TMC3: variants seen among roughly 807,000 people sequenced by gnomAD.
TMC3 encodes the protein transmembrane channel-like protein 3.
In TMC3, 98 loss-of-function variants were observed where a neutral mutation model predicts 110.6. That is an observed-to-expected ratio of 0.89 (90% CI 0.75 to 1.05). TMC3 has a LOEUF of 1.05. TMC3 is among the 50% of genes least tolerant of loss of function. TMC3 has a pLI of 0.00. For synonymous variants in TMC3, 489 were observed against 513.1 expected, an observed-to-expected ratio of 0.95 and a Z score of 0.63; for missense variants, 1,319 against 1,373.2, an observed-to-expected ratio of 0.96 and a Z score of 0.62.
rs1346977459 is a variant in TMC3 at position 81,334,837 on chromosome 15, C to A, written c.2342G>T (p.Ser781Ile). The change falls in exon 21 of 22, where the codon AGT becomes ATT. Residue 781 changes from serine (S) to isoleucine (I), a missense_variant. Coordinates refer to ENST00000359440, the MANE Select transcript of TMC3 (RefSeq NM_001080532.3). ...VAHFDSGSSK[S>I]GRIETVAQSM... ...CTGTGCGACTGTCTCTATCCTGCCA[C>A]TCTTGCTGCTCCCTGAGTCAAAATG... 6.2e-7 allele frequency: 1 copy of A among 1,613,938 alleles called. No individual in the cohort carries two copies. The highest frequency in any genetic ancestry group is 1.3e-5 in the African/African-American group (1 of 74,932).
At chr15:81,372,325 CTCTT>C (rs1894451873) in intron 2 of TMC3, among the ~76,000 whole-genome samples, 1 of 150,320 alleles carries the variant, frequency 6.7e-6, no homozygotes, top group South Asian at 2.1e-4. Context: ...TTTATACTCT[CTCTT>C]TCTCTGTATC....
Position 81,332,929 on chromosome 15 carries a change from C to T in TMC3, c.2793G>A (p.Arg931=), listed in dbSNP as rs753164595. 7.4e-6 allele frequency: 12 copies of T among 1,612,342 alleles called. No homozygotes were observed. In the East Asian group the frequency reaches 2.7e-4, roughly 36 times the overall value. Residue 931 remains arginine (R), a synonymous_variant, in exon 22 of 22, where the codon CGG becomes CGA. Coordinates refer to ENST00000359440, the MANE Select transcript of TMC3 (RefSeq NM_001080532.3). The part of the protein sequence containing the change: ...YPRNVRQYAS[R]VPRQPPSPQL... The stretch of plus-strand genomic sequence containing the variant: ...GTGGGGAGGGAGGCTGGCGGGGGAC[C>T]CGGGATGCATATTGTCGCACGTTCC...
intron 9 of TMC3, among the ~76,000 whole-genome samples, chr15:81,354,080 A>G (rs1043836392): frequency 6.6e-6 from 1 of 152,192 alleles, no homozygotes; most frequent in African/African-American, 2.4e-5. Context: ...TCTGGTTTTA[A>G]CTGAAACATA....
chr15:81,373,637 A>T (rs1237485430), intron 1 of TMC3, among the ~76,000 whole-genome samples: 2 of 152,158 alleles, frequency 1.3e-5, no homozygotes, highest in Admixed American at 6.5e-5. Flanking sequence ...TAAACACTTT[A>T]TTTATCATGA....
chr15:81,355,295 C>CA (rs1289502684), intron 9 of TMC3, among the ~76,000 whole-genome samples: 6 of 152,294 alleles, frequency 3.9e-5, no homozygotes, highest in Non-Finnish European at 8.8e-5. Flanking sequence ...TGAAGGGCTT[C>CA]ACCCTCACCA....
intron 13 of TMC3, among the ~76,000 whole-genome samples, chr15:81,344,546 A>C (rs559418202): frequency 6.6e-6 from 1 of 152,242 alleles, no homozygotes; most frequent in Non-Finnish European, 1.5e-5. Context: ...TAGGACTCTT[A>C]TGAGGACCAA....
chr15:81,334,817 C>T lies in TMC3; in HGVS notation c.2362G>A (p.Ala788Thr), dbSNP rs770347299. The T allele has an allele frequency of 2.0e-5, 32 of 1,613,984 alleles. No individual in the cohort carries two copies. Among genetic ancestry groups the T allele is most frequent in the South Asian group, 3.3e-5 (3 of 91,082 alleles). The change falls in exon 21 of 22, where the codon GCA (alanine) becomes ACA (threonine). Residue 788 changes from alanine to threonine, a missense_variant. Coordinates refer to ENST00000359440, the MANE Select transcript of TMC3 (RefSeq NM_001080532.3). ...CTCGGGCTCTGGGGCATGGACTGTGCGACTGTCTCTATCCTGCCACTCTTG... is the reference window on the plus strand; with the variant it reads ...CTCGGGCTCTGGGGCATGGACTGTGTGACTGTCTCTATCCTGCCACTCTTG... ...SSKSGRIETV[A>T]QSMPQSPRPG...
In TMC3 at chr15:81,374,111, GC is replaced by G. The variant is rs1894497499; in HGVS notation, c.-35del. On this transcript the variant is annotated 5_prime_UTR_variant, in exon 1 of 22. Coordinates refer to ENST00000359440, the MANE Select transcript of TMC3 (RefSeq NM_001080532.3). ...ACCCACTGCTAACAATCAGAAGCTG[GC>G]CAGAGAGCTAGGAAGTTGGCAGGCA... The G allele has an allele frequency of 3.8e-6, 6 of 1,597,674 alleles. No homozygotes were observed. The highest frequency in any genetic ancestry group is 1.7e-5 in the Admixed American group (1 of 59,456).
chr15:81,349,111 G>T (rs911936123), intron 11 of TMC3, among the ~76,000 whole-genome samples: 8 of 152,068 alleles, frequency 5.3e-5, no homozygotes, highest in Admixed American at 3.3e-4. Flanking sequence ...GATTACAGGC[G>T]TGAGCCACCA....
At chr15:81,347,846 A>G (rs1242933779) in intron 11 of TMC3, among the ~76,000 whole-genome samples, 1 of 152,258 alleles carries the variant, frequency 6.6e-6, no homozygotes, top group Non-Finnish European at 1.5e-5. Context: ...TCTCTGTTGC[A>G]GGTCAAAAGA....
At chr15:81,360,622 G>A (rs1894167249) in intron 4 of TMC3, among the ~76,000 whole-genome samples, 1 of 152,156 alleles carries the variant, frequency 6.6e-6, no homozygotes, top group Admixed American at 6.5e-5. Flanking sequence ...GGGAAGGTCG[G>A]GGGAAAGAGC....
At chr15:81,337,745 G>GA in intron 19 of TMC3, 101 bp downstream of exon 19, 1 of 1,029,578 alleles carries the variant, frequency 9.7e-7, no homozygotes, top group Non-Finnish European at 1.5e-6. Context: ...AAGAGTCACA[G>GA]AAACCTTGAA....
chr15:81,343,970 GT>G lies in TMC3; in HGVS notation c.1593del (p.Leu532PhefsTer6), dbSNP rs1326158775. ...ASILLIDFFRGLFVRYLSDYW... is the reference protein window; with the variant it reads ...ASILLIDFFRXLFVRYLSDYW... Reference sequence around the variant, plus strand: ...TAGTCACTTAAGTACCGCACGAAAAGTCCTCGGAAGAAGTCTATGAGCAGAA... The same window carrying G: ...TAGTCACTTAAGTACCGCACGAAAAGCCTCGGAAGAAGTCTATGAGCAGAA... On this transcript the variant is annotated frameshift_variant, in exon 14 of 22. Coordinates refer to ENST00000359440, the MANE Select transcript of TMC3 (RefSeq NM_001080532.3). LOFTEE classifies it high-confidence loss of function. 6.2e-7 allele frequency: 1 copy of G among 1,613,394 alleles called. No individual in the cohort carries two copies. Among genetic ancestry groups the G allele is most frequent in the Non-Finnish European group, 8.5e-7 (1 of 1,179,548 alleles).
intron 13 of TMC3, among the ~76,000 whole-genome samples, chr15:81,344,254 T>C (rs1893777513): frequency 6.6e-6 from 1 of 152,172 alleles, no homozygotes; most frequent in Non-Finnish European, 1.5e-5. Flanking sequence ...TATTAGGTAA[T>C]TTGAATTCGA....
At position 81,358,434 on chromosome 15, in the gene TMC3, C is replaced by T; in HGVS notation, c.568G>A (p.Ala190Thr). 1 of 1,613,880 alleles carries T rather than the reference C, an allele frequency of 6.2e-7. No individual in the cohort carries two copies. The highest frequency in any genetic ancestry group is 8.5e-7 in the Non-Finnish European group (1 of 1,179,816). ...KTIPKEQVSS[A>T]QDLDTVWSLG... ...GACCAGACGGTGTCCAGGTCTTGGGCAGACGAAACCTGCTCCTTGGGGATG... is the reference window on the plus strand; with the variant it reads ...GACCAGACGGTGTCCAGGTCTTGGGTAGACGAAACCTGCTCCTTGGGGATG... The change falls in exon 6 of 22, where the codon GCC becomes ACC. Residue 190 changes from alanine (A) to threonine (T), a missense_variant. Coordinates refer to ENST00000359440, the MANE Select transcript of TMC3 (RefSeq NM_001080532.3).
At chr15:81,343,885 A>G in intron 14 of TMC3, 32 bp downstream of exon 14, 4 of 1,605,056 alleles carry the variant, frequency 2.5e-6, no homozygotes, top group Non-Finnish European at 3.4e-6. Context: ...TGGCCATATA[A>G]ACTTTCCCAA....
At chr15:81,356,275 T>C (rs964646951) in intron 8 of TMC3, among the ~76,000 whole-genome samples, 172 bp downstream of exon 8, 5 of 152,186 alleles carry the variant, frequency 3.3e-5, no homozygotes, top group African/African-American at 1.2e-4. Context: ...CCTCCCTTCA[T>C]TGAGTTATTT....
chr15:81,372,325 C>T (rs1433955402), intron 2 of TMC3, among the ~76,000 whole-genome samples: 1 of 150,320 alleles, frequency 6.7e-6, no homozygotes, highest in Non-Finnish European at 1.5e-5. Flanking sequence ...TTTATACTCT[C>T]TCTTTCTCTG....
intron 15 of TMC3, among the ~76,000 whole-genome samples, chr15:81,341,970 C>T (rs1893725423): frequency 6.6e-6 from 1 of 152,184 alleles, no homozygotes; most frequent in Non-Finnish European, 1.5e-5. Context: ...AGTTTGTTTA[C>T]TCTTCTGCAA....
Sources: allele counts gnomAD v4.1 joint callset (sites outside exome capture counted in the v4.1 genomes callset), GRCh38; gene constraint gnomAD v4.1.1; transcripts MANE v1.5; gene names NCBI Gene and HGNC (gene_info 2026-07-23, HGNC 2026-07-21).